The following AOAH variants were observed in gnomAD, a reference collection of about 807,000 sequenced individuals.
AOAH encodes acyloxyacyl hydrolase.
In AOAH, 64 loss-of-function variants were observed where a neutral mutation model predicts 92.2. The ratio of observed to expected loss-of-function variants is 0.69; its 90% CI spans 0.57 to 0.86. AOAH has a LOEUF of 0.86. AOAH is among the 40% of genes least tolerant of loss of function. The probability of loss-of-function intolerance (pLI) is 0.00; values close to 1 mark genes in which losing one functional copy is unlikely to be tolerated. For synonymous variants in AOAH, 263 were observed against 254.5 expected (o/e 1.03, Z -0.32); for missense variants, 656 against 694.6 (o/e 0.94, Z 0.62).
chr7:36,577,645 G>T, intron 12 of AOAH, among the ~76,000 whole-genome samples: 1 of 151,922 alleles, frequency 6.6e-6, no homozygotes, highest in East Asian at 1.9e-4. Context: ...TCTCATCTTT[G>T]ATTTTTCATT....
chr7:36,690,272 T>G, intron 1 of AOAH: 1 of 423,158 alleles, frequency 2.4e-6, no homozygotes, highest in South Asian at 1.7e-5. Flanking sequence ...ATCGTCACTT[T>G]GCCCAGTGAA....
chr7:36,611,442 A>G (rs2115877760), intron 11 of AOAH, among the ~76,000 whole-genome samples: 1 of 152,356 alleles, frequency 6.6e-6, no homozygotes, highest in African/African-American at 2.4e-5. Context: ...GTTCGACAGC[A>G]CTTGAATCAA....
rs746127690 is a variant in AOAH, at chr7:36,616,400, T to C, written c.826A>G (p.Thr276Ala). The stretch of plus-strand genomic sequence containing the variant: ...CTTACCAAAGACATCTGCGACGCTG[T>C]GATCCATTCAGGAGAGATGTGAAAA... The part of the protein sequence containing the change: ...AHFHISPEWI[T>A]ASQMSLNSFI... The change falls in exon 11 of 21, where the codon ACA (threonine) becomes GCA (alanine). Residue 276 changes from threonine to alanine, a missense_variant. Physicochemically the swap from Thr to Ala is moderately conservative, Grantham distance 58. Transcript: ENST00000617537. 1.2e-6 allele frequency: 2 copies of C among 1,614,010 alleles called. No individual in the cohort carries two copies. The highest frequency in any genetic ancestry group is 1.7e-6 in the Non-Finnish European group (2 of 1,179,874).
chr7:36,656,542 C>T (rs1298591646), intron 4 of AOAH, among the ~76,000 whole-genome samples: 1 of 152,012 alleles, frequency 6.6e-6, no homozygotes, highest in Non-Finnish European at 1.5e-5. Flanking sequence ...AACTTGCCGG[C>T]TGCTCTACTA....
At chr7:36,718,996 A>G (rs764993837) in intron 1 of AOAH, among the ~76,000 whole-genome samples, 1 of 152,224 alleles carries the variant, frequency 6.6e-6, no homozygotes, top group Non-Finnish European at 1.5e-5. Context: ...TTTTACCCTG[A>G]TTTAATCACA....
At chr7:36,609,760 T>TAAGC (rs1791299689) in intron 11 of AOAH, among the ~76,000 whole-genome samples, 1 of 152,124 alleles carries the variant, frequency 6.6e-6, no homozygotes, top group Non-Finnish European at 1.5e-5. Flanking sequence ...CATGGGGTTT[T>TAAGC]AAGCTCTATG....
chr7:36,628,596 G>GA (rs1792844887), intron 6 of AOAH, among the ~76,000 whole-genome samples: 1 of 152,048 alleles, frequency 6.6e-6, no homozygotes, highest in Non-Finnish European at 1.5e-5. Context: ...GGGAGCTGGG[G>GA]GCACTGAAGA....
At chr7:36,641,145 AC>A (rs2116347700) in intron 4 of AOAH, among the ~76,000 whole-genome samples, 1 of 152,260 alleles carries the variant, frequency 6.6e-6, no homozygotes, top group South Asian at 2.1e-4. Context: ...TCACGTGATC[AC>A]AAAGGTAGGG....
intron 19 of AOAH, among the ~76,000 whole-genome samples, chr7:36,524,057 G>A (rs1408694905): frequency 6.6e-6 from 1 of 152,074 alleles, no homozygotes; most frequent in Non-Finnish European, 1.5e-5. Context: ...CGTGACTTCA[G>A]AGATGACATC....
At chr7:36,689,864 A>G (rs1562700253) in intron 1 of AOAH, among the ~76,000 whole-genome samples, 1 of 152,194 alleles carries the variant, frequency 6.6e-6, no homozygotes, top group Non-Finnish European at 1.5e-5. Flanking sequence ...AACCAACAAT[A>G]GTTTGGTGCA....
intron 11 of AOAH, among the ~76,000 whole-genome samples, chr7:36,613,767 A>G (rs532606315): frequency 6.6e-6 from 1 of 152,224 alleles, no homozygotes; most frequent in South Asian, 2.1e-4. Context: ...CTTCTTTTTC[A>G]TGTGTGCAAT....
At chr7:36,537,612 G>A (rs972500164) in intron 16 of AOAH, among the ~76,000 whole-genome samples, 6 of 150,738 alleles carry the variant, frequency 4.0e-5, no homozygotes, top group East Asian at 2.0e-4. Context: ...TCCGCCTCCC[G>A]GGTTCAAGCG....
In AOAH at chr7:36,706,221, G is replaced by A. The variant is rs1453205081; in HGVS notation, c.127+17801C>T. On this transcript the variant is annotated intron_variant, in intron 1 of 20. Coordinates refer to ENST00000617537, the MANE Select transcript of AOAH (RefSeq NM_001637.4). ...GTCAAAATGACTTCTTGATTCATGA[G>A]CTACAGAATAGATGTTGTGTTAGAG... Among the ~76,000 whole-genome samples the A allele has an allele frequency of 4.6e-5, 7 of 152,120 alleles. No individual in the cohort carries two copies. In the East Asian group the frequency reaches 1.3e-3, roughly 29 times the overall value.
chr7:36,600,151 C>T (rs1421920743), intron 11 of AOAH: 2 of 152,232 alleles, frequency 1.3e-5, no homozygotes, highest in Admixed American at 6.5e-5. Flanking sequence ...GGCACTGAGA[C>T]AGGAAAAACT....
At chr7:36,683,522 AT>A (rs1796776707) in intron 2 of AOAH, among the ~76,000 whole-genome samples, 3 of 152,214 alleles carry the variant, frequency 2.0e-5, no homozygotes, top group African/African-American at 2.4e-5. Flanking sequence ...GCTCATAAGA[AT>A]TAGAAAATAT....
At chr7:36,649,621 G>C (rs1794445881) in intron 4 of AOAH, among the ~76,000 whole-genome samples, 1 of 152,210 alleles carries the variant, frequency 6.6e-6, no homozygotes, top group Admixed American at 6.5e-5. Context: ...GTAAACCCAG[G>C]CATTCTAGCC....
chr7:36,630,771 C>T lies in AOAH; in HGVS notation c.521+1265G>A, dbSNP rs138836768. Among the ~76,000 whole-genome samples, 10 of 152,266 alleles carry T rather than the reference C, an allele frequency of 6.6e-5. No individual in the cohort carries two copies. In the East Asian group the frequency reaches 1.9e-3, roughly 29 times the overall value. ...AAGTGGCCCAAGTTCTCAAAGTCAG[C>T]TCAAGAAGCAGCATTGCAAAGAAGT... On this transcript the variant is annotated intron_variant, in intron 6 of 20. Transcript: ENST00000617537.
intron 3 of AOAH, among the ~76,000 whole-genome samples, chr7:36,671,369 CAT>C (rs1795914942): frequency 6.6e-6 from 1 of 152,112 alleles, no homozygotes; most frequent in Non-Finnish European, 1.5e-5. Flanking sequence ...CTTTCATAAA[CAT>C]ATAGTCAGTA....
chr7:36,712,186 TATTGCTCAC>T (rs1477871597), intron 1 of AOAH, among the ~76,000 whole-genome samples: 15 of 152,246 alleles, frequency 9.9e-5, no homozygotes, highest in African/African-American at 3.4e-4. Flanking sequence ...ACTGTTATTT[TATTGCTCAC>T]ATTGGCTTGA....
Sources: gnomAD v4.1 joint callset for allele counts (sites outside exome capture counted in the v4.1 genomes callset) on GRCh38, gnomAD v4.1.1 for gene constraint, MANE v1.5 for transcripts, NCBI Gene and HGNC (gene_info 2026-07-23, HGNC 2026-07-21) for gene names.